Variants in DHRS3 observed in about 807,000 individuals in gnomAD.
DHRS3 encodes short-chain dehydrogenase/reductase 3.
In DHRS3, 14 loss-of-function variants were observed where a neutral mutation model predicts 27.2. That is an observed-to-expected ratio of 0.52 (90% CI 0.34 to 0.81). The LOEUF (loss-of-function observed/expected upper bound fraction) is 0.81. Ranked by LOEUF, DHRS3 falls within the 30% of genes least tolerant of loss-of-function variation. The pLI is 0.01. For synonymous variants in DHRS3, 165 were observed against 175.9 expected (o/e 0.94, Z 0.49); for missense variants, 322 against 406.2 (o/e 0.79, Z 1.78).
chr1:12,580,142 T>C (rs762874962), intron 2 of DHRS3: 1 of 323,308 alleles, frequency 3.1e-6, no homozygotes, highest in Non-Finnish European at 6.0e-6. Context: ...TAAAAACAGT[T>C]AACATTACCA....
chr1:12,595,222 C>A (rs904104671), intron 1 of DHRS3, among the ~76,000 whole-genome samples: 3 of 152,188 alleles, frequency 2.0e-5, no homozygotes, highest in Non-Finnish European at 2.9e-5. Context: ...ACAAAGTGCC[C>A]GGGCCGTCCC....
At chr1:12,575,809 C>T (rs144725225) in intron 4 of DHRS3, among the ~76,000 whole-genome samples, 4,477 of 152,128 alleles carry the variant, frequency 0.029, 226 homozygotes, top group African/African-American at 0.1. Flanking sequence ...CAGGTTCAAG[C>T]GATCCTCCTG....
At chr1:12,590,959 C>T (rs914301722) in intron 1 of DHRS3, among the ~76,000 whole-genome samples, 1 of 152,172 alleles carries the variant, frequency 6.6e-6, no homozygotes, top group African/African-American at 2.4e-5. Context: ...AGACTCTACA[C>T]AATCCAGTCT....
rs1396416862 is a variant in DHRS3, at chr1:12,617,425, A to G, written c.-77T>C. On this transcript the variant is annotated 5_prime_UTR_variant, in exon 1 of 6. Coordinates refer to ENST00000616661, the MANE Select transcript of DHRS3 (RefSeq NM_004753.7). ...ACAGGAATTAAAAAACACCCCGAAC[A>G]ATAAATAGTAAACCGAATAAGGAGG... The G allele has an allele frequency of 1.4e-6, 2 of 1,474,344 alleles. No homozygotes were observed. Among genetic ancestry groups the G allele is most frequent in the Admixed American group, 4.2e-5 (2 of 48,004 alleles). 91.3% of individuals were successfully genotyped at this position (1,474,344 alleles called of 1,614,324 possible). A position where few individuals can be genotyped will look rare whatever the true frequency, so the allele number is the denominator to read the frequency against.
rs954475296 is a variant in DHRS3 at position 12,594,702 on chromosome 1, G to A, written c.196-14036C>T. ...TGCAAAGGCCCTGGGGTGGGAATGA[G>A]CTTCCCCAGCACGGAGACCAGTGTG... On this transcript the variant is annotated intron_variant, in intron 1 of 5. Transcript: ENST00000616661. The surrounding 1 kb of genome is among the most constrained non-coding windows in gnomAD (Gnocchi z 4.1). Among the ~76,000 whole-genome samples the A allele has an allele frequency of 2.0e-5, 3 of 152,140 alleles. No individual in the cohort carries two copies. Among genetic ancestry groups the A allele is most frequent in the African/African-American group, 4.8e-5 (2 of 41,414 alleles).
intron 1 of DHRS3, chr1:12,616,914 G>C: frequency 2.3e-6 from 2 of 869,336 alleles, no homozygotes; most frequent in Non-Finnish European, 3.3e-6. Flanking sequence ...GGGGTGAATA[G>C]CCAGTCAGCC....
At chr1:12,606,270 T>C (rs1471434883) in intron 1 of DHRS3, among the ~76,000 whole-genome samples, 1 of 148,726 alleles carries the variant, frequency 6.7e-6, no homozygotes, top group Non-Finnish European at 1.5e-5. Context: ...AAAAAATTCA[T>C]CTTGTTTGTG....
At chr1:12,607,828 A>AAT (rs965707877) in intron 1 of DHRS3, among the ~76,000 whole-genome samples, 1 of 151,074 alleles carries the variant, frequency 6.6e-6, no homozygotes, top group Non-Finnish European at 1.5e-5. Flanking sequence ...TGAGAAATAA[A>AAT]ATATATATAT....
At chr1:12,579,140 G>A (rs3128461) in intron 3 of DHRS3, 153 bp downstream of exon 3, 251,212 of 1,381,080 alleles carry the variant, frequency 0.18, 24,621 homozygotes, top group Admixed American at 0.34. Context: ...AGTCTGATGT[G>A]TCCTAGAGCT....
At chr1:12,612,538 C>T (rs548390053) in intron 1 of DHRS3, among the ~76,000 whole-genome samples, 92 of 152,250 alleles carry the variant, frequency 6.0e-4, no homozygotes, top group African/African-American at 1.2e-3. Context: ...AAGGCTCAGT[C>T]GAATGCTCCT....
At chr1:12,588,542 C>A (rs906979098) in intron 1 of DHRS3, among the ~76,000 whole-genome samples, 1 of 152,178 alleles carries the variant, frequency 6.6e-6, no homozygotes, top group Admixed American at 6.5e-5. Flanking sequence ...CTGGTGAACA[C>A]CCCTGCCTCT....
At chr1:12,604,875 C>T (rs1438630199) in intron 1 of DHRS3, among the ~76,000 whole-genome samples, 1 of 151,992 alleles carries the variant, frequency 6.6e-6, no homozygotes, top group Non-Finnish European at 1.5e-5. Context: ...ATGGTGAAAC[C>T]CCATCTATAT....
Position 12,568,327 on chromosome 1 carries a change from C to T in DHRS3, c.*13G>A, listed in dbSNP as rs1375482622. On this transcript the variant is annotated 3_prime_UTR_variant, in exon 6 of 6. Coordinates refer to ENST00000616661, the MANE Select transcript of DHRS3 (RefSeq NM_004753.7). ...AAACTCCGTGGCTCCTCAAGCATGT[C>T]TTCATCCTGTCTCTATGTCCGCCCT... 1 of 1,613,102 alleles carries T rather than the reference C, an allele frequency of 6.2e-7. No individual in the cohort carries two copies.
At chr1:12,568,994 G>A (rs1646509258) in intron 5 of DHRS3, among the ~76,000 whole-genome samples, 1 of 152,056 alleles carries the variant, frequency 6.6e-6, no homozygotes, top group Admixed American at 6.6e-5. Context: ...AGGCCAAGGT[G>A]GGTGGATCAC....
intron 1 of DHRS3, among the ~76,000 whole-genome samples, chr1:12,582,455 CGTCA>C (rs1001766433): frequency 9.2e-5 from 14 of 152,176 alleles, no homozygotes; most frequent in African/African-American, 3.4e-4. Flanking sequence ...AAGTGGGTCC[CGTCA>C]GTTCCTCTCA....
At chr1:12,570,769 T>C (rs560055513) in intron 5 of DHRS3, among the ~76,000 whole-genome samples, 120 of 152,268 alleles carry the variant, frequency 7.9e-4, no homozygotes, top group African/African-American at 2.8e-3. Context: ...TAGGGGCTCC[T>C]AGAGACGGCT....
intron 4 of DHRS3, among the ~76,000 whole-genome samples, chr1:12,577,869 A>G (rs1237701260): frequency 6.6e-6 from 1 of 152,222 alleles, no homozygotes; most frequent in Non-Finnish European, 1.5e-5. Flanking sequence ...TATAATTTGC[A>G]TATAACAAAA....
chr1:12,589,939 G>A (rs912528268), intron 1 of DHRS3, among the ~76,000 whole-genome samples: 2 of 152,054 alleles, frequency 1.3e-5, no homozygotes, highest in Non-Finnish European at 2.9e-5. Flanking sequence ...ACAGTTGCCC[G>A]GAAGACCCCA....
chr1:12,616,978 C>A (rs1350456570), intron 1 of DHRS3, among the ~76,000 whole-genome samples, 176 bp downstream of exon 1: 2 of 152,240 alleles, frequency 1.3e-5, no homozygotes, highest in Non-Finnish European at 2.9e-5. Flanking sequence ...AAAAGACAGT[C>A]CGGTGCCCGG....
Sources: allele counts gnomAD v4.1 joint callset (sites outside exome capture counted in the v4.1 genomes callset), GRCh38; gene constraint gnomAD v4.1.1; non-coding constraint Gnocchi (gnomAD v3.1); transcripts MANE v1.5; gene names NCBI Gene and HGNC (gene_info 2026-07-23, HGNC 2026-07-21).